NFE2L3: variants seen among roughly 807,000 people sequenced by gnomAD.
The protein encoded by NFE2L3 is NFE2 like bZIP transcription factor 3, also known as nuclear factor erythroid 2-related factor 3.
NFE2L3 carries 18 observed loss-of-function variants against 23.5 expected under a neutral mutation model. The ratio of observed to expected loss-of-function variants is 0.77; its 90% confidence interval spans 0.53 to 1.13. The LOEUF (loss-of-function observed/expected upper bound fraction) is 1.13, where lower values mean the gene tolerates loss of function less well. Ranked by LOEUF, NFE2L3 falls within the 50% of genes most tolerant of loss-of-function variation. NFE2L3 has a pLI of 0.00. For missense variants in NFE2L3, 1,152 were observed against 877.2 expected (o/e 1.31, Z -3.96); for synonymous variants, 424 against 354.5 (o/e 1.20, Z -2.20).
chr7:26,162,585 C>G (rs933656406), intron 1 of NFE2L3, among the ~76,000 whole-genome samples: 2 of 152,164 alleles, frequency 1.3e-5, no homozygotes, highest in Non-Finnish European at 2.9e-5. Context: ...AAATGATACT[C>G]TTTACTGCCG....
At chr7:26,158,211 GC>G (rs1287866170) in intron 1 of NFE2L3, among the ~76,000 whole-genome samples, 1 of 152,014 alleles carries the variant, frequency 6.6e-6, no homozygotes, top group East Asian at 1.9e-4. Flanking sequence ...ACCACGCCCA[GC>G]TAATTTTTTA....
At chr7:26,165,877 A>G (rs568881527) in intron 1 of NFE2L3, among the ~76,000 whole-genome samples, 1 of 152,282 alleles carries the variant, frequency 6.6e-6, no homozygotes, top group South Asian at 2.1e-4. Context: ...AATTTTGTCA[A>G]AGCTGGCCAG....
intron 1 of NFE2L3, among the ~76,000 whole-genome samples, chr7:26,166,045 G>A (rs1303281891): frequency 6.6e-6 from 1 of 151,290 alleles, no homozygotes; most frequent in East Asian, 1.9e-4. Context: ...TATTCAAGCA[G>A]ACAGGTGCTT....
chr7:26,175,121 C>G (rs11971320), intron 1 of NFE2L3, among the ~76,000 whole-genome samples: 5,489 of 146,700 alleles, frequency 0.037, 102 homozygotes, highest in Middle Eastern at 0.055. Context: ...CTGAGGCGGA[C>G]GGATCATGAG....
intron 1 of NFE2L3, among the ~76,000 whole-genome samples, chr7:26,177,521 C>T (rs994263683): frequency 3.3e-5 from 5 of 152,012 alleles, no homozygotes; most frequent in South Asian, 2.1e-4. Context: ...CACGGGAGCC[C>T]GAGGCAGGGA....
chr7:26,183,063 A>T (rs1352260641), intron 2 of NFE2L3, among the ~76,000 whole-genome samples: 1 of 152,022 alleles, frequency 6.6e-6, no homozygotes, highest in Non-Finnish European at 1.5e-5. Flanking sequence ...CTGGGATTAC[A>T]AGCGTGAGCC....
intron 1 of NFE2L3, among the ~76,000 whole-genome samples, chr7:26,166,136 CG>C (rs5883018): frequency 0.61 from 79,422 of 131,148 alleles, 21,733 homozygotes; most frequent in East Asian, 0.72. Flanking sequence ...GCGGGTGGGG[CG>C]GGGGGGAAAG....
chr7:26,181,782 A>G (rs1784516389), intron 2 of NFE2L3, among the ~76,000 whole-genome samples: 1 of 152,202 alleles, frequency 6.6e-6, no homozygotes, highest in African/African-American at 2.4e-5. Flanking sequence ...TATCATGAAA[A>G]AAGAAAAAGA....
chr7:26,173,252 A>T (rs1784352503), intron 1 of NFE2L3, among the ~76,000 whole-genome samples: 1 of 152,182 alleles, frequency 6.6e-6, no homozygotes, highest in Admixed American at 6.5e-5. Flanking sequence ...TACACTCAAA[A>T]AGTTTCCCCC....
chr7:26,171,268 G>C (rs541528300), intron 1 of NFE2L3, among the ~76,000 whole-genome samples: 117 of 152,322 alleles, frequency 7.7e-4, no homozygotes, highest in African/African-American at 2.8e-3. Context: ...CAGTTAGGCT[G>C]GGCGTGGTGG....
Position 26,152,943 on chromosome 7 carries a change from G to T in NFE2L3, c.445G>T (p.Ala149Ser). ...AGASVDGGSQ[A>S]VQGGGGDPRA... is the part of the protein sequence containing the mutation. ...CGCCAGCGTGGACGGCGGCAGCCAG[G>T]CTGTGCAGGGGGGCGGCGGGGACCC... The change falls in exon 1 of 4, where the codon GCT becomes TCT. Residue 149 changes from alanine to serine, a missense_variant. Ala to Ser is a moderately conservative substitution (Grantham distance 99, BLOSUM62 1). Coordinates refer to ENST00000056233, the MANE Select transcript of NFE2L3 (RefSeq NM_004289.7). This position sits in a 1 kb window ranked among gnomAD's most constrained non-coding sequence, Gnocchi z 4.4. 6.9e-7 allele frequency: 1 copy of T among 1,451,010 alleles called. No individual in the cohort carries two copies. Among genetic ancestry groups the T allele is most frequent in the Non-Finnish European group, 9.0e-7 (1 of 1,114,184 alleles). 89.9% of individuals were successfully genotyped at this position (1,451,010 alleles called of 1,614,324 possible). A position where few individuals can be genotyped will look rare whatever the true frequency, so the allele number is the denominator to read the frequency against.
intron 1 of NFE2L3, chr7:26,173,863 C>T (rs1457769247): frequency 1.3e-5 from 2 of 152,110 alleles, no homozygotes; most frequent in Non-Finnish European, 2.9e-5. Context: ...TCTAGTAGGA[C>T]AAACAGCAAA....
At chr7:26,174,045 A>C (rs1784361920) in intron 1 of NFE2L3, 1 of 152,260 alleles carries the variant, frequency 6.6e-6, no homozygotes, top group Admixed American at 6.5e-5. Flanking sequence ...GGGTTGAGAG[A>C]GCTTACAGGC....
In NFE2L3 at chr7:26,184,879, T is replaced by TA. The variant is rs2128100709; in HGVS notation, c.1183dup (p.Met395AsnfsTer10). The TA allele has an allele frequency of 6.2e-7, 1 of 1,613,874 alleles. No individual in the cohort carries two copies. Among genetic ancestry groups the TA allele is most frequent in the Non-Finnish European group, 8.5e-7 (1 of 1,179,796 alleles). ...ATAAATATATTTGATGAGATAAACT[T>TA]AATGTCATTGGCCACAGAAGACAAC... is the stretch of plus-strand genomic sequence containing the variant. On this transcript the variant is annotated frameshift_variant, in exon 4 of 4. Coordinates refer to ENST00000056233, the MANE Select transcript of NFE2L3 (RefSeq NM_004289.7). LOFTEE classifies it low-confidence loss of function (END_TRUNC).
In NFE2L3 at chr7:26,182,361, T is replaced by C. The variant is rs1784532589; in HGVS notation, c.751-1340T>C. 1.3e-5 allele frequency among the ~76,000 whole-genome samples: 2 copies of C among 149,650 alleles called. 1 individual carries two copies. The highest frequency in any genetic ancestry group is 4.1e-4 in the South Asian group (2 of 4,828). ...CATGTAGGCCGGGCATGGTGTCTCA[T>C]GCCTGTAATCCCAACTCTTTGTGAG... On this transcript the variant is annotated intron_variant, in intron 2 of 3. Coordinates refer to ENST00000056233, the MANE Select transcript of NFE2L3 (RefSeq NM_004289.7).
Position 26,185,186 on chromosome 7 carries a change from T to C in NFE2L3, c.1488T>C (p.His496=). 3 of 1,613,904 alleles carry C rather than the reference T, an allele frequency of 1.9e-6. No homozygotes were observed. Among genetic ancestry groups the C allele is most frequent in the Non-Finnish European group, 1.7e-6 (2 of 1,179,840 alleles). The part of the protein sequence containing the change: ...HGDLTFQHVF[H]NHTYHLQPTA... ...ATCTTACATTTCAACACGTATTTCA[T>C]AACCACACTTACCACTTACAGCCAA... The change falls in exon 4 of 4, where the codon CAT becomes CAC. Residue 496 remains histidine, a synonymous_variant. Coordinates refer to ENST00000056233, the MANE Select transcript of NFE2L3 (RefSeq NM_004289.7).
intron 1 of NFE2L3, among the ~76,000 whole-genome samples, chr7:26,177,152 C>T (rs1023014201): frequency 3.4e-5 from 5 of 145,718 alleles, no homozygotes; most frequent in East Asian, 2.0e-4. Flanking sequence ...ACATCCCAGA[C>T]GATGGGTGGC....
At chr7:26,154,335 A>G (rs552593969) in intron 1 of NFE2L3, among the ~76,000 whole-genome samples, 139 of 152,270 alleles carry the variant, frequency 9.1e-4, no homozygotes, top group Non-Finnish European at 1.5e-3. Context: ...ATAAGTGAGT[A>G]CTTGTGCACT....
chr7:26,174,162 C>G (rs73093883), intron 1 of NFE2L3: 9,579 of 152,236 alleles, frequency 0.063, 423 homozygotes, highest in South Asian at 0.19. Flanking sequence ...GATGAAGAAT[C>G]AGCAAAGCAG....
Sources: allele counts gnomAD v4.1 joint callset (sites outside exome capture counted in the v4.1 genomes callset), GRCh38; gene constraint gnomAD v4.1.1; non-coding constraint Gnocchi (gnomAD v3.1); transcripts MANE v1.5; gene names NCBI Gene and HGNC (gene_info 2026-07-23, HGNC 2026-07-21).